The following NRXN1 variants were observed in gnomAD, a reference collection of about 807,000 sequenced individuals.
The protein encoded by NRXN1 is neurexin-1.
In NRXN1, 39 loss-of-function variants were observed where a neutral mutation model predicts 150.9. The ratio of observed to expected loss-of-function variants is 0.26; its 90% CI spans 0.20 to 0.34. The LOEUF (loss-of-function observed/expected upper bound fraction) is 0.34. NRXN1 is among the 10% of genes least tolerant of loss of function. NRXN1 has a pLI of 1.00. For synonymous variants in NRXN1, 924 were observed against 757.0 expected, an observed-to-expected ratio of 1.22 and a Z score of -3.62; for missense variants, 1,815 against 1,949.9, an observed-to-expected ratio of 0.93 and a Z score of 1.30.
At chr2:49,945,389 C>T (rs1380471119) in intron 21 of NRXN1, among the ~76,000 whole-genome samples, 8 of 147,798 alleles carry the variant, frequency 5.4e-5, no homozygotes, top group Admixed American at 4.0e-4. Context: ...TGGGGGTTTT[C>T]TCTTTTTTTT....
At chr2:50,573,970 T>G (rs190161788) in intron 8 of NRXN1, among the ~76,000 whole-genome samples, 64 of 152,240 alleles carry the variant, frequency 4.2e-4, no homozygotes, top group Admixed American at 3.7e-3. Flanking sequence ...GGAGGGGTCA[T>G]GGAACCAATC....
At chr2:49,957,424 C>T (rs140499962) in intron 21 of NRXN1, among the ~76,000 whole-genome samples, 3 of 152,192 alleles carry the variant, frequency 2.0e-5, no homozygotes, top group Admixed American at 6.6e-5. Flanking sequence ...ATTATTCTCA[C>T]CGCAATATGG....
chr2:50,474,839 C>CA (rs35572466), intron 15 of NRXN1, among the ~76,000 whole-genome samples: 30,708 of 109,072 alleles, frequency 0.28, 4,927 homozygotes, highest in South Asian at 0.35. Context: ...GCCCCCCTAC[C>CA]AAAAAAAAAA....
At chr2:50,017,310 A>G (rs1284456647) in intron 21 of NRXN1, among the ~76,000 whole-genome samples, 13 of 152,180 alleles carry the variant, frequency 8.5e-5, no homozygotes. Context: ...CCCCCAAGTG[A>G]TGTATTGTCA....
chr2:50,033,176 C>A (rs929446707), intron 21 of NRXN1, among the ~76,000 whole-genome samples: 1 of 151,808 alleles, frequency 6.6e-6, no homozygotes, highest in East Asian at 1.9e-4. Flanking sequence ...TTTCCCAGTC[C>A]TAAGCAAAAA....
Position 50,070,527 on chromosome 2 carries a change from T to C in NRXN1, c.3719-15483A>G, listed in dbSNP as rs377346458. On this transcript the variant is annotated intron_variant, in intron 19 of 22. Coordinates refer to ENST00000401669, the MANE Select transcript of NRXN1 (RefSeq NM_001330078.2). ...GGCTCACGCCTGTAATCCCAGCACT[T>C]TGGGAGGCCGAGGCGGGCGGATCAC... Among the ~76,000 whole-genome samples, 3 of 151,844 alleles carry C rather than the reference T, an allele frequency of 2.0e-5. No individual in the cohort carries two copies. In the East Asian group the frequency reaches 5.9e-4, roughly 30 times the overall value.
intron 9 of NRXN1, among the ~76,000 whole-genome samples, chr2:50,539,423 G>C (rs1442052750): frequency 6.6e-6 from 1 of 151,890 alleles, no homozygotes; most frequent in Non-Finnish European, 1.5e-5. Context: ...AAATCTATTG[G>C]TTTATAAATA....
chr2:50,575,694 T>C (rs191800063), intron 8 of NRXN1, among the ~76,000 whole-genome samples: 2 of 152,312 alleles, frequency 1.3e-5, no homozygotes, highest in East Asian at 3.9e-4. Flanking sequence ...TGGATACCCA[T>C]TTCATAAGGA....
In NRXN1 at chr2:50,805,733, T is replaced by G. The variant is rs566933395; in HGVS notation, c.832+116136A>C. Among the ~76,000 whole-genome samples, 21 of 152,282 alleles carry G rather than the reference T, an allele frequency of 1.4e-4. 1 individual carries two copies. In the South Asian group the frequency reaches 4.1e-3, roughly 30 times the overall value. ...TAGTGTTCGATGCATTATTAAAAAA[T>G]AGAATTTAAAATAAATTGTAGAAAA... On this transcript the variant is annotated intron_variant, in intron 5 of 22. Coordinates refer to ENST00000401669, the MANE Select transcript of NRXN1 (RefSeq NM_001330078.2).
chr2:50,360,816 C>G (rs1032395202), intron 17 of NRXN1, among the ~76,000 whole-genome samples: 1 of 152,180 alleles, frequency 6.6e-6, no homozygotes, highest in African/African-American at 2.4e-5. Context: ...ATACATTCTT[C>G]TCAGCACCAC....
intron 15 of NRXN1, among the ~76,000 whole-genome samples, chr2:50,481,760 C>CTTTTTTTTTTTTTTTTTTTT (rs758265489): frequency 3.6e-5 from 3 of 82,956 alleles, no homozygotes; most frequent in African/African-American, 1.2e-4. Flanking sequence ...ACTTTTGTTT[C>CTTTTTTTTTTTTTTTTTTTT]TTTTTTTTTT....
intron 21 of NRXN1, among the ~76,000 whole-genome samples, chr2:50,015,981 T>G (rs758854063): frequency 1.3e-5 from 2 of 152,122 alleles, no homozygotes; most frequent in Non-Finnish European, 2.9e-5. Flanking sequence ...ACGGGCTAAA[T>G]AGATAAATAG....
chr2:50,484,175 C>T (rs1415649928), intron 15 of NRXN1, among the ~76,000 whole-genome samples: 1 of 152,190 alleles, frequency 6.6e-6, no homozygotes, highest in Non-Finnish European at 1.5e-5. Flanking sequence ...CACAAAAAAA[C>T]TTACAGACAT....
At chr2:50,631,907 C>T (rs1343908458) in intron 5 of NRXN1, among the ~76,000 whole-genome samples, 1 of 151,832 alleles carries the variant, frequency 6.6e-6, no homozygotes, top group East Asian at 1.9e-4. Flanking sequence ...ATCTTTTAAC[C>T]TGAAGAAAAT....
chr2:50,073,035 G>T (rs1034683827), intron 19 of NRXN1, among the ~76,000 whole-genome samples: 1 of 152,136 alleles, frequency 6.6e-6, no homozygotes, highest in African/African-American at 2.4e-5. Context: ...CTATGCCTTT[G>T]TCTTCTGCTC....
At chr2:50,826,751 T>C (rs1670500503) in intron 5 of NRXN1, among the ~76,000 whole-genome samples, 1 of 151,938 alleles carries the variant, frequency 6.6e-6, no homozygotes, top group Non-Finnish European at 1.5e-5. Context: ...ATAGCTCTGT[T>C]TTGGTCTTGA....
intron 17 of NRXN1, among the ~76,000 whole-genome samples, chr2:50,270,885 C>G (rs998645768): frequency 6.6e-6 from 1 of 152,088 alleles, no homozygotes; most frequent in South Asian, 2.1e-4. Flanking sequence ...TGGCGAACTC[C>G]TAACCTCAAA....
intron 2 of NRXN1, among the ~76,000 whole-genome samples, chr2:50,996,470 T>C (rs779439774): frequency 2.6e-5 from 4 of 152,204 alleles, no homozygotes; most frequent in African/African-American, 4.8e-5. Context: ...TATATTTTCA[T>C]AGAACTACAT....
chr2:50,945,899 TACACACAC>T (rs1553403042), intron 2 of NRXN1, among the ~76,000 whole-genome samples: 1 of 103,030 alleles, frequency 9.7e-6, no homozygotes, highest in Non-Finnish European at 2.0e-5. Context: ...TATATATATA[TACACACAC>T]ACACACACAC....
Sources: allele counts gnomAD v4.1 joint callset (sites outside exome capture counted in the v4.1 genomes callset), GRCh38; gene constraint gnomAD v4.1.1; transcripts MANE v1.5; gene names NCBI Gene and HGNC (gene_info 2026-07-23, HGNC 2026-07-21).